MLLT10: variants seen among roughly 807,000 people sequenced by gnomAD.
The protein encoded by MLLT10 is MLLT10 histone lysine methyltransferase DOT1L cofactor.
Under a neutral mutation model 129.1 loss-of-function variants are expected in MLLT10, and 30 were observed. The ratio of observed to expected loss-of-function variants is 0.23; its 90% confidence interval spans 0.17 to 0.32. The LOEUF (loss-of-function observed/expected upper bound fraction) is 0.32. Among genes scored for constraint, MLLT10 ranks in the 10% least tolerant of loss-of-function variants. The pLI, the probability that MLLT10 is intolerant of heterozygous loss-of-function variation, is 1.00. For missense variants in MLLT10, 1,119 were observed against 1,268.3 expected (o/e 0.88, Z 1.79); for synonymous variants, 490 against 446.4 (o/e 1.10, Z -1.23).
chr10:21,577,861 A>T (rs1049222825), intron 3 of MLLT10, among the ~76,000 whole-genome samples: 5 of 151,998 alleles, frequency 3.3e-5, no homozygotes, highest in African/African-American at 1.2e-4. Flanking sequence ...ATGAGGTAGT[A>T]TCTGATTGTG....
chr10:21,554,614 C>G (rs1026206481), intron 3 of MLLT10, among the ~76,000 whole-genome samples: 1 of 151,516 alleles, frequency 6.6e-6, no homozygotes. Context: ...CCACCACGCC[C>G]GGCTAATTTT....
chr10:21,621,344 A>T (rs1403052672), intron 8 of MLLT10, among the ~76,000 whole-genome samples: 2 of 148,634 alleles, frequency 1.3e-5, no homozygotes, highest in African/African-American at 5.0e-5. Flanking sequence ...TTCCAGGTTC[A>T]CGCCATTTTC....
intron 3 of MLLT10, among the ~76,000 whole-genome samples, chr10:21,581,187 A>G (rs2041408957): frequency 6.6e-6 from 1 of 151,568 alleles, no homozygotes; most frequent in Non-Finnish European, 1.5e-5. Context: ...CTGGGACTAC[A>G]GGCGCCCACT....
intron 15 of MLLT10, among the ~76,000 whole-genome samples, 184 bp from the exon 16 acceptor site, chr10:21,727,672 A>G (rs188507766): frequency 2.7e-4 from 41 of 152,362 alleles, no homozygotes; most frequent in Non-Finnish European, 4.7e-4. Flanking sequence ...GTGTAGGGAC[A>G]ACGCCTTACA....
intron 5 of MLLT10, among the ~76,000 whole-genome samples, chr10:21,600,219 A>G (rs1355409740): frequency 6.6e-6 from 1 of 152,218 alleles, no homozygotes; most frequent in Admixed American, 6.5e-5. Context: ...GCATTTTAGT[A>G]CATGGTAAGA....
At chr10:21,566,210 C>T (rs1340799588) in intron 3 of MLLT10, among the ~76,000 whole-genome samples, 1 of 151,718 alleles carries the variant, frequency 6.6e-6, no homozygotes, top group Admixed American at 6.6e-5. Context: ...TCTCCTAGGC[C>T]TCCCAAAGTG....
At chr10:21,533,956 C>A (rs968600384), upstream of MLLT10, among the ~76,000 whole-genome samples, 10 of 152,226 alleles carry the variant, frequency 6.6e-5, no homozygotes, top group African/African-American at 2.4e-4. Context: ...AGGCCTCTTC[C>A]CGACGCTCAC....
chr10:21,682,184 G>GAC, intron 12 of MLLT10, 41 bp from the exon 13 acceptor site: 1 of 1,576,668 alleles, frequency 6.3e-7, no homozygotes, highest in Admixed American at 1.8e-5. Flanking sequence ...GTGTGTTTGA[G>GAC]AATGATCTTA....
At chr10:21,740,865 C>A (rs963873944) in intron 22 of MLLT10, among the ~76,000 whole-genome samples, 60 of 152,346 alleles carry the variant, frequency 3.9e-4, no homozygotes, top group African/African-American at 1.4e-3. Flanking sequence ...TCAATTAGGT[C>A]TACTTTACTG....
At chr10:21,682,584 T>C (rs2052854721) in intron 13 of MLLT10, among the ~76,000 whole-genome samples, 1 of 152,202 alleles carries the variant, frequency 6.6e-6, no homozygotes. Context: ...TAATTATTGG[T>C]ACCTAGGGGA....
chr10:21,637,727 A>G (rs2131284579), intron 8 of MLLT10, among the ~76,000 whole-genome samples: 1 of 152,284 alleles, frequency 6.6e-6, no homozygotes, highest in East Asian at 1.9e-4. Context: ...ATGGATGTAA[A>G]CTGATCTTGA....
intron 3 of MLLT10, among the ~76,000 whole-genome samples, chr10:21,560,456 G>A (rs983277903): frequency 6.6e-5 from 10 of 151,976 alleles, no homozygotes; most frequent in African/African-American, 2.4e-4. Flanking sequence ...CTGTTTTTGA[G>A]ACAGGGTCTA....
rs757233944 is a variant in MLLT10, at chr10:21,669,071, T to A, written c.796-1378T>A. On this transcript the variant is annotated intron_variant, in intron 9 of 22. Transcript: ENST00000307729. ...TTCTAAAGTAAGCCATGAAGTTTCATCAGCTTAAATGTAATTGGTTTGTAA... is the reference window on the plus strand; with the variant it reads ...TTCTAAAGTAAGCCATGAAGTTTCAACAGCTTAAATGTAATTGGTTTGTAA... 3.0e-6 allele frequency: 4 copies of A among 1,352,458 alleles called. No homozygotes were observed. The South Asian group carries it at 4.9e-5, about 17-fold the overall frequency. The allele number at this position is 1,352,458 out of a possible 1,614,324, so 83.8% of individuals were successfully genotyped here.
At chr10:21,695,210 C>A (rs1292448310) in intron 13 of MLLT10, among the ~76,000 whole-genome samples, 1 of 152,038 alleles carries the variant, frequency 6.6e-6, no homozygotes, top group Admixed American at 6.6e-5. Context: ...GCTGGGATTA[C>A]AGGCGTGTGT....
chr10:21,554,180 G>C (rs1437314342), intron 3 of MLLT10, among the ~76,000 whole-genome samples: 1 of 152,022 alleles, frequency 6.6e-6, no homozygotes, highest in African/African-American at 2.4e-5. Context: ...TGCTTTGTTT[G>C]CCTTTTCTGT....
At chr10:21,652,887 A>G (rs923107278) in intron 9 of MLLT10, among the ~76,000 whole-genome samples, 1 of 152,214 alleles carries the variant, frequency 6.6e-6, no homozygotes, top group African/African-American at 2.4e-5. Context: ...TTCTGAATAC[A>G]TACAAAGCCC....
At chr10:21,702,221 G>T (rs1023453698) in intron 13 of MLLT10, among the ~76,000 whole-genome samples, 5 of 152,128 alleles carry the variant, frequency 3.3e-5, no homozygotes, top group African/African-American at 4.8e-5. Flanking sequence ...CACTGTGCCT[G>T]GCTATGTTAT....
rs187903768 is a variant in MLLT10, at chr10:21,620,776, C to T, written c.699+3569C>T. Among the ~76,000 whole-genome samples, 422 of 152,016 alleles carry T rather than the reference C, an allele frequency of 2.8e-3. 2 individuals are homozygous for T. Among genetic ancestry groups the T allele is most frequent in the African/African-American group, 9.9e-3 (409 of 41,474 alleles). ...CTCGATCTTGGCTCCCTGCAACCTC[C>T]GTCTCCCAGGTTCAAGCGATTCTTC... is the stretch of plus-strand genomic sequence containing the variant. On this transcript the variant is annotated intron_variant, in intron 8 of 22. Transcript: ENST00000307729.
chr10:21,538,125 C>G (rs1484693729), intron 2 of MLLT10, among the ~76,000 whole-genome samples: 1 of 149,606 alleles, frequency 6.7e-6, no homozygotes, highest in Non-Finnish European at 1.5e-5. Context: ...GTAGCTGGGA[C>G]TGTAGGCACA....
Sources: gnomAD v4.1 joint callset for allele counts (sites outside exome capture counted in the v4.1 genomes callset) on GRCh38, gnomAD v4.1.1 for gene constraint, MANE v1.5 for transcripts, NCBI Gene and HGNC (gene_info 2026-07-23, HGNC 2026-07-21) for gene names.